The following C8orf34 variants were observed in gnomAD, a reference collection of about 807,000 sequenced individuals.
C8orf34 encodes the protein chromosome 8 open reading frame 34, also known as uncharacterized protein C8orf34.
In C8orf34, 65 loss-of-function variants were observed where a neutral mutation model predicts 68.3. That is an observed-to-expected ratio of 0.95 (90% CI 0.78 to 1.17). The LOEUF (loss-of-function observed/expected upper bound fraction) is 1.17, where lower values mean the gene tolerates loss of function less well. C8orf34 is among the 50% of genes most tolerant of loss of function. The pLI is 0.00. For missense variants in C8orf34, 664 were observed against 655.4 expected (o/e 1.01, Z -0.14); for synonymous variants, 244 against 241.2 (o/e 1.01, Z -0.11).
intron 9 of C8orf34, among the ~76,000 whole-genome samples, chr8:68,713,313 T>G (rs569812540): frequency 1.3e-5 from 2 of 151,388 alleles, no homozygotes; most frequent in Non-Finnish European, 3.0e-5. Context: ...AGAAAAGAGA[T>G]AACGAAGATC....
chr8:68,615,135 A>AT (rs1818162474), intron 7 of C8orf34, among the ~76,000 whole-genome samples: 1 of 148,632 alleles, frequency 6.7e-6, no homozygotes, highest in Non-Finnish European at 1.5e-5. Context: ...TTGTACATTG[A>AT]TTTTGTATCC....
Position 68,746,291 on chromosome 8 carries a change from C to G in C8orf34, c.1404+24854C>G, listed in dbSNP as rs111732451. 2.2e-5 allele frequency among the ~76,000 whole-genome samples: 3 copies of G among 134,332 alleles called. No individual in the cohort carries two copies. The Admixed American group carries it at 2.3e-4, about 10-fold the overall frequency. 88.1% of individuals were successfully genotyped at this position (134,332 alleles called of 152,430 possible). On this transcript the variant is annotated intron_variant, in intron 10 of 13. Transcript: ENST00000518698. ...GCCCACAAGAGAAAGCAGGAAAGAT[C>G]CAAAATTGACACCCTAACATCACAA...
chr8:68,589,782 G>GAT (rs1817325555), intron 7 of C8orf34, among the ~76,000 whole-genome samples: 1 of 146,792 alleles, frequency 6.8e-6, no homozygotes, highest in Non-Finnish European at 1.5e-5. Context: ...AAATAAGGAA[G>GAT]GTGGAGAGAG....
intron 9 of C8orf34, among the ~76,000 whole-genome samples, chr8:68,714,928 C>T (rs949236375): frequency 9.9e-5 from 15 of 152,030 alleles, no homozygotes; most frequent in Admixed American, 6.6e-4. Context: ...AAAATAGGCA[C>T]GTAAACCACT....
In C8orf34 at chr8:68,473,268, T is replaced by G. The variant is rs567336745; in HGVS notation, c.736+4448T>G. ...TGGCCCACTGCCGAGTGCATCAGAT[T>G]TTATAGACAGGCTTGAGGAGGTGGT... On this transcript the variant is annotated intron_variant, in intron 4 of 13. Transcript: ENST00000518698. Among the ~76,000 whole-genome samples the G allele has an allele frequency of 6.7e-4, 102 of 152,196 alleles. 1 individual carries two copies. The South Asian group carries it at 0.02, about 30-fold the overall frequency.
At chr8:68,620,051 A>G (rs2130626621) in intron 7 of C8orf34, among the ~76,000 whole-genome samples, 1 of 152,308 alleles carries the variant, frequency 6.6e-6, no homozygotes, top group South Asian at 2.1e-4. Context: ...GATGGAAAAT[A>G]TGGGAGCTCT....
chr8:68,449,341 C>T (rs1317359229), intron 3 of C8orf34, among the ~76,000 whole-genome samples: 3 of 152,058 alleles, frequency 2.0e-5, no homozygotes, highest in Non-Finnish European at 2.9e-5. Flanking sequence ...GCATTCAGTA[C>T]ATTCACAATA....
intron 1 of C8orf34, among the ~76,000 whole-genome samples, chr8:68,404,860 CT>C (rs1208060744): frequency 6.6e-6 from 1 of 151,710 alleles, no homozygotes; most frequent in African/African-American, 2.4e-5. Context: ...TATGTGGGCT[CT>C]TTTTTTGAAA....
At chr8:68,552,827 G>C (rs942723529) in intron 7 of C8orf34, among the ~76,000 whole-genome samples, 1 of 131,562 alleles carries the variant, frequency 7.6e-6, no homozygotes, top group Non-Finnish European at 1.7e-5. Context: ...ATGATCATGT[G>C]GTTTTTATTC....
chr8:68,338,279 C>A (rs1172400793), intron 1 of C8orf34, among the ~76,000 whole-genome samples: 2 of 152,154 alleles, frequency 1.3e-5, no homozygotes, highest in Non-Finnish European at 2.9e-5. Context: ...AAAGACCTCA[C>A]TTATAAACCC....
chr8:68,520,280 G>A (rs1364310887), intron 5 of C8orf34, among the ~76,000 whole-genome samples: 1 of 152,038 alleles, frequency 6.6e-6, no homozygotes, highest in Non-Finnish European at 1.5e-5. Context: ...CATCAAATAT[G>A]TTCTAAATCA....
At chr8:68,437,230 AT>A (rs1021171407) in intron 1 of C8orf34, among the ~76,000 whole-genome samples, 8 of 152,260 alleles carry the variant, frequency 5.3e-5, no homozygotes, top group Non-Finnish European at 5.9e-5. Flanking sequence ...TAAATAATCC[AT>A]CTTCTAAAGA....
chr8:68,556,338 A>AT (rs1429080308), intron 7 of C8orf34, among the ~76,000 whole-genome samples: 1 of 109,522 alleles, frequency 9.1e-6, no homozygotes, highest in Non-Finnish European at 1.9e-5. Flanking sequence ...TTATTGTTTG[A>AT]TTTTGTACAC....
intron 7 of C8orf34, among the ~76,000 whole-genome samples, chr8:68,575,956 GTTTTT>G (rs59081528): frequency 1.0e-5 from 1 of 96,344 alleles, no homozygotes; most frequent in Non-Finnish European, 2.1e-5. Context: ...GTAGATGGTT[GTTTTT>G]TTTTTTTTTT....
At chr8:68,763,722 A>G (rs1823089031) in intron 10 of C8orf34, among the ~76,000 whole-genome samples, 1 of 152,206 alleles carries the variant, frequency 6.6e-6, no homozygotes, top group South Asian at 2.1e-4. Flanking sequence ...TCTTTTGTAT[A>G]TTAAATTAGA....
chr8:68,377,991 C>T (rs759717900), intron 1 of C8orf34, among the ~76,000 whole-genome samples: 5 of 152,076 alleles, frequency 3.3e-5, no homozygotes, highest in African/African-American at 4.8e-5. Context: ...CTCACTATGA[C>T]AAGAGAAGTG....
At chr8:68,647,400 G>C (rs1314688840) in intron 8 of C8orf34, among the ~76,000 whole-genome samples, 1 of 152,160 alleles carries the variant, frequency 6.6e-6, no homozygotes, top group Non-Finnish European at 1.5e-5. Flanking sequence ...CTGTAGAAAA[G>C]TCAAAATAGA....
chr8:68,539,369 C>A (rs1284788139), intron 7 of C8orf34, among the ~76,000 whole-genome samples: 1 of 152,026 alleles, frequency 6.6e-6, no homozygotes, highest in Admixed American at 6.5e-5. Context: ...TGAAAATGTG[C>A]AAAGAAGTGT....
chr8:68,691,801 T>C (rs1446372324), intron 8 of C8orf34, among the ~76,000 whole-genome samples: 1 of 152,084 alleles, frequency 6.6e-6, no homozygotes, highest in Non-Finnish European at 1.5e-5. Context: ...GGTAAATGTG[T>C]GCCTTTTTCT....
Sources: allele counts gnomAD v4.1 joint callset (sites outside exome capture counted in the v4.1 genomes callset), GRCh38; gene constraint gnomAD v4.1.1; transcripts MANE v1.5; gene names NCBI Gene and HGNC (gene_info 2026-07-23, HGNC 2026-07-21).